The following CNTN6 variants were observed in gnomAD, a reference collection of about 807,000 sequenced individuals.
CNTN6 encodes the protein contactin 6, also known as contactin-6.
CNTN6 carries 137 observed loss-of-function variants against 122.8 expected under a neutral mutation model. The observed-to-expected ratio is 1.12, with a 90% CI of 0.97 to 1.29. The LOEUF is 1.29. Among genes scored for constraint, CNTN6 ranks in the 50% most tolerant of loss-of-function variants. The probability of loss-of-function intolerance (pLI) is 0.00; values close to 1 mark genes in which losing one functional copy is unlikely to be tolerated. For missense variants in CNTN6, 1,634 were observed against 1,223.4 expected, an observed-to-expected ratio of 1.34 and a Z score of -5.01; for synonymous variants, 570 against 426.0, an observed-to-expected ratio of 1.34 and a Z score of -4.16.
At chr3:1,171,729 C>A (rs1445606648) in intron 2 of CNTN6, among the ~76,000 whole-genome samples, 1 of 152,124 alleles carries the variant, frequency 6.6e-6, no homozygotes, top group Non-Finnish European at 1.5e-5. Flanking sequence ...ACCTCAGCCT[C>A]CCAAGTCCCT....
At chr3:1,122,872 G>C (rs2092015298) in intron 1 of CNTN6, among the ~76,000 whole-genome samples, 1 of 151,636 alleles carries the variant, frequency 6.6e-6, no homozygotes, top group Non-Finnish European at 1.5e-5. Flanking sequence ...CCACCATTTG[G>C]CTATTTTGAA....
intron 2 of CNTN6, among the ~76,000 whole-genome samples, chr3:1,188,773 C>T (rs2093662006): frequency 1.3e-5 from 2 of 152,194 alleles, no homozygotes; most frequent in African/African-American, 4.8e-5. Context: ...CAGGTTTCCT[C>T]CCAAGCCTAT....
chr3:1,297,363 T>C lies in CNTN6; in HGVS notation c.659-526T>C, dbSNP rs9880908. Among the ~76,000 whole-genome samples, 741 of 152,284 alleles carry C rather than the reference T, an allele frequency of 4.9e-3. 1 individual carries two copies. The highest frequency in any genetic ancestry group is 0.017 in the African/African-American group (707 of 41,570). ...GTTACAACTCCTCTGGTAGGCAGTG[T>C]ATTTACAATAGGTTATACCATCATC... is the stretch of plus-strand genomic sequence containing the variant. On this transcript the variant is annotated intron_variant, in intron 6 of 22. Coordinates refer to ENST00000446702, the MANE Select transcript of CNTN6 (RefSeq NM_001289080.2).
At chr3:1,260,728 T>C (rs899296742) in intron 4 of CNTN6, among the ~76,000 whole-genome samples, 3 of 151,938 alleles carry the variant, frequency 2.0e-5, no homozygotes, top group African/African-American at 7.3e-5. Context: ...TGATAATGAG[T>C]TCTCACGAGA....
rs968715301 is a variant in CNTN6, at chr3:1,352,443, T to G, written c.1484T>G (p.Ile495Ser). 6.2e-7 allele frequency: 1 copy of G among 1,609,604 alleles called. No individual in the cohort carries two copies. The highest frequency in any genetic ancestry group is 8.5e-7 in the Non-Finnish European group (1 of 1,177,114). Residue 495 changes from isoleucine (I) to serine (S), a missense_variant, in exon 12 of 23, where the codon ATT becomes AGT. Coordinates refer to ENST00000446702, the MANE Select transcript of CNTN6 (RefSeq NM_001289080.2). Reference protein sequence around the residue: ...FGTAKNTGSLIVKERTVITVP... With the variant: ...FGTAKNTGSLSVKERTVITVP... ...ACTGCAAAGAACACTGGCAGCCTCA[T>G]TGTAAAAGGTATCATATTATCTTCA...
intron 20 of CNTN6, among the ~76,000 whole-genome samples, chr3:1,393,122 G>T (rs1694428783): frequency 1.8e-5 from 1 of 56,468 alleles, no homozygotes; most frequent in Non-Finnish European, 3.8e-5. Context: ...GTTTATTGCG[G>T]CACTATTCAC....
chr3:1,208,901 T>C (rs1043078455), intron 2 of CNTN6, among the ~76,000 whole-genome samples: 2 of 152,182 alleles, frequency 1.3e-5, no homozygotes, highest in African/African-American at 4.8e-5. Context: ...TTTTGCATTG[T>C]CAGTGCATAA....
At chr3:1,395,872 T>A (rs940975893) in intron 20 of CNTN6, among the ~76,000 whole-genome samples, 5 of 152,184 alleles carry the variant, frequency 3.3e-5, no homozygotes, top group African/African-American at 1.2e-4. Flanking sequence ...AATTTCTAGA[T>A]AGGAGGACAC....
intron 1 of CNTN6, among the ~76,000 whole-genome samples, chr3:1,122,341 A>G (rs1199772338): frequency 6.9e-6 from 1 of 145,236 alleles, no homozygotes; most frequent in Non-Finnish European, 1.5e-5. Flanking sequence ...GGAGGGCGAG[A>G]GAGAGGGAAG....
chr3:1,154,915 TTA>T (rs1192749735), intron 2 of CNTN6, among the ~76,000 whole-genome samples: 2 of 152,220 alleles, frequency 1.3e-5, no homozygotes, highest in African/African-American at 4.8e-5. Flanking sequence ...CATTTTTTTC[TTA>T]TGCTCATCAA....
chr3:1,162,546 T>C (rs2125252587), intron 2 of CNTN6, among the ~76,000 whole-genome samples: 1 of 152,372 alleles, frequency 6.6e-6, no homozygotes, highest in African/African-American at 2.4e-5. Flanking sequence ...CCTCTTTCTG[T>C]AACATTGCTA....
At chr3:1,187,579 G>A (rs1015661337) in intron 2 of CNTN6, among the ~76,000 whole-genome samples, 24 of 152,134 alleles carry the variant, frequency 1.6e-4, no homozygotes, top group African/African-American at 5.8e-4. Context: ...ATTTTTGGTT[G>A]TTACAGTTTT....
At chr3:1,381,500 G>C (rs903551225) in intron 17 of CNTN6, among the ~76,000 whole-genome samples, 2 of 152,066 alleles carry the variant, frequency 1.3e-5, no homozygotes, top group African/African-American at 2.4e-5. Flanking sequence ...GTCTCAGCAA[G>C]CAGGCAGGAA....
chr3:1,105,059 A>C (rs1164942639), intron 1 of CNTN6, among the ~76,000 whole-genome samples: 1 of 152,078 alleles, frequency 6.6e-6, no homozygotes, highest in Non-Finnish European at 1.5e-5. Flanking sequence ...TTTGCATGTC[A>C]AATTGTGGGT....
chr3:1,163,998 T>A (rs1347127504), intron 2 of CNTN6, among the ~76,000 whole-genome samples: 8 of 152,174 alleles, frequency 5.3e-5, no homozygotes, highest in Non-Finnish European at 1.5e-5. Flanking sequence ...GAGCTAGAAC[T>A]ATGTTTTCAG....
chr3:1,200,475 A>G (rs1372858178), intron 2 of CNTN6, among the ~76,000 whole-genome samples: 1 of 152,194 alleles, frequency 6.6e-6, no homozygotes, highest in African/African-American at 2.4e-5. Context: ...AGCCAATGCC[A>G]TGGCATCAAA....
intron 2 of CNTN6, among the ~76,000 whole-genome samples, chr3:1,197,454 TGA>T (rs2093794165): frequency 6.6e-6 from 1 of 152,192 alleles, no homozygotes; most frequent in African/African-American, 2.4e-5. Flanking sequence ...CAAATTGTTG[TGA>T]GAGGCAGTAA....
At chr3:1,312,475 T>C (rs1461679273) in intron 7 of CNTN6, among the ~76,000 whole-genome samples, 4 of 152,038 alleles carry the variant, frequency 2.6e-5, no homozygotes, top group African/African-American at 9.7e-5. Flanking sequence ...GGAACTGGGC[T>C]CAGGAAAAAT....
chr3:1,149,172 C>G (rs1490323392), intron 2 of CNTN6, among the ~76,000 whole-genome samples: 4 of 152,120 alleles, frequency 2.6e-5, no homozygotes, highest in Non-Finnish European at 5.9e-5. Flanking sequence ...CAACCATAGT[C>G]TGTTACAATC....
Sources: gnomAD v4.1 joint callset for allele counts (sites outside exome capture counted in the v4.1 genomes callset) on GRCh38, gnomAD v4.1.1 for gene constraint, MANE v1.5 for transcripts, NCBI Gene and HGNC (gene_info 2026-07-23, HGNC 2026-07-21) for gene names.